Variants in PCDHA3 observed in about 807,000 individuals in gnomAD.
The protein encoded by PCDHA3 is protocadherin alpha-3.
In PCDHA3, 41 loss-of-function variants were observed where a neutral mutation model predicts 62.2. That is an observed-to-expected ratio of 0.66 (90% CI 0.51 to 0.86). The LOEUF is 0.86. PCDHA3 is among the 40% of genes least tolerant of loss of function. PCDHA3 has a pLI of 0.00. For missense variants in PCDHA3, 1,304 were observed against 1,241.2 expected (o/e 1.05, Z -0.76); for synonymous variants, 640 against 555.4 (o/e 1.15, Z -2.14).
intron 1 of PCDHA3, chr5:140,876,899 C>A (rs781884794): frequency 5.0e-6 from 8 of 1,613,974 alleles, no homozygotes; most frequent in Non-Finnish European, 6.8e-6. Context: ...CACATCTTCA[C>A]GGTGTCGGCA....
In PCDHA3 at chr5:140,850,586, C is replaced by T. The variant is rs10040059; in HGVS notation, c.2394+46995C>T. The stretch of plus-strand genomic sequence containing the variant: ...CCGAGGTGACGCTGGTGGATGTCAA[C>T]GTGTACCTGATCATCGCCATCTGCG... On this transcript the variant is annotated intron_variant, in intron 1 of 3. Transcript: ENST00000522353. 1,289 of 1,598,414 alleles carry T rather than the reference C, an allele frequency of 8.1e-4. 73 individuals carry two copies. In the African/African-American group the frequency reaches 0.014, roughly 17 times the overall value.
At chr5:140,815,033 A>G (rs1251467889) in intron 1 of PCDHA3, 1 of 152,108 alleles carries the variant, frequency 6.6e-6, no homozygotes, top group Non-Finnish European at 1.5e-5. Context: ...TACAATTTGC[A>G]TGAAATTTTT....
intron 1 of PCDHA3, chr5:140,883,972 C>G (rs781784485): frequency 3.1e-6 from 5 of 1,612,854 alleles, no homozygotes; most frequent in Non-Finnish European, 4.2e-6. Context: ...TGCTGACGCC[C>G]GGGGCTGGCA....
At chr5:140,946,893 A>T (rs1233227457) in intron 1 of PCDHA3, among the ~76,000 whole-genome samples, 1 of 151,482 alleles carries the variant, frequency 6.6e-6, no homozygotes, top group African/African-American at 2.4e-5. Context: ...TTACAATTAG[A>T]TAGGAAGAAT....
intron 1 of PCDHA3, chr5:140,807,048 T>C (rs1554123732): frequency 9.8e-7 from 1 of 1,025,000 alleles, no homozygotes; most frequent in Non-Finnish European, 1.4e-6. Flanking sequence ...AAATTCCTTC[T>C]ATTCTTACTG....
chr5:140,803,269 C>T lies in PCDHA3; in HGVS notation c.2072C>T (p.Ala691Val). The T allele has an allele frequency of 6.2e-7, 1 of 1,614,012 alleles. No individual in the cohort carries two copies. The highest frequency in any genetic ancestry group is 8.5e-7 in the Non-Finnish European group (1 of 1,179,966). The stretch of plus-strand genomic sequence containing the variant: ...TCCGCTGGCGCCACGGGCCCGGAAG[C>T]TGCACTGGTGGATGTCAACGTGTAC... ...QASAGATGPE[A>V]ALVDVNVYLI... is the part of the protein sequence containing the mutation. Residue 691 changes from alanine (A) to valine (V), a missense_variant, in exon 1 of 4, where the codon GCT becomes GTT. Transcript: ENST00000522353.
rs2150442306 is a variant in PCDHA3 at position 140,849,604 on chromosome 5, C to T, written c.2394+46013C>T. 16 of 1,598,568 alleles carry T rather than the reference C, an allele frequency of 1.0e-5. 2 individuals are homozygous for T. The highest frequency in any genetic ancestry group is 1.4e-5 in the Non-Finnish European group (16 of 1,167,944). On this transcript the variant is annotated intron_variant, in intron 1 of 3. Coordinates refer to ENST00000522353, the MANE Select transcript of PCDHA3 (RefSeq NM_018906.3). ...GACGCACAACTGGGGACAGTTATTG[C>T]CCTGATTAGTGTGATCGACCTAGAC... is the stretch of plus-strand genomic sequence containing the variant.
At chr5:140,863,571 TA>T in intron 1 of PCDHA3, 1 of 369,950 alleles carries the variant, frequency 2.7e-6, no homozygotes, top group South Asian at 2.1e-5. Context: ...AGAATATAAG[TA>T]CTGTAATCCT....
chr5:140,816,467 C>T (rs1765911805), intron 1 of PCDHA3: 1 of 151,890 alleles, frequency 6.6e-6, no homozygotes, highest in Admixed American at 6.6e-5. Context: ...AAGTAATTCA[C>T]ATAGCTCTAT....
intron 1 of PCDHA3, among the ~76,000 whole-genome samples, chr5:140,934,231 C>T (rs2089713851): frequency 6.6e-6 from 1 of 152,014 alleles, no homozygotes; most frequent in African/African-American, 2.4e-5. Context: ...AAGATTTGTA[C>T]TTAATTGTGG....
chr5:140,804,733 A>G (rs1763450932), intron 1 of PCDHA3: 2 of 197,406 alleles, frequency 1.0e-5, no homozygotes, highest in East Asian at 2.4e-4. Context: ...CACTACCCCT[A>G]CATATTTGGT....
chr5:140,967,756 C>T (rs1554229911), intron 1 of PCDHA3: 2 of 1,614,216 alleles, frequency 1.2e-6, no homozygotes, highest in Middle Eastern at 1.6e-4. Context: ...AAGCCTCCTC[C>T]TACCAGATCT....
intron 1 of PCDHA3, chr5:140,877,161 G>A: frequency 6.2e-7 from 1 of 1,613,828 alleles, no homozygotes; most frequent in South Asian, 1.1e-5. Context: ...ACAACGCGCC[G>A]GCACTGCTGG....
At chr5:140,879,329 T>A (rs2057946411) in intron 1 of PCDHA3, among the ~76,000 whole-genome samples, 1 of 152,182 alleles carries the variant, frequency 6.6e-6, no homozygotes, top group Non-Finnish European at 1.5e-5. Context: ...ACTTTTTTAG[T>A]TTGTTCAGCT....
chr5:140,848,504 C>T (rs1554142138), intron 1 of PCDHA3: 4 of 1,587,366 alleles, frequency 2.5e-6, no homozygotes, highest in African/African-American at 2.7e-5. Flanking sequence ...AAATGTTATA[C>T]TCAAGTCGAG....
intron 1 of PCDHA3, chr5:140,883,283 G>A (rs782514861): frequency 1.2e-6 from 2 of 1,614,034 alleles, no homozygotes; most frequent in Admixed American, 3.3e-5. Context: ...CCTTTTGGTG[G>A]AAGTACTAGA....
In PCDHA3 at chr5:140,802,587, G is replaced by C. The variant is rs781821131; in HGVS notation, c.1390G>C (p.Val464Leu). The C allele has an allele frequency of 6.2e-7, 1 of 1,614,126 alleles. No individual in the cohort carries two copies. The highest frequency in any genetic ancestry group is 1.1e-5 in the South Asian group (1 of 91,088). The change falls in exon 1 of 4, where the codon GTG (valine) becomes CTG (leucine). Residue 464 changes from valine to leucine, a missense_variant. Val to Leu is a conservative substitution (Grantham distance 32). Transcript: ENST00000522353. ...AFSQSEYTVF[V>L]KENNPPGCHI... ...CTCGCAGTCCGAGTACACGGTGTTC[G>C]TGAAGGAGAACAACCCGCCGGGCTG...
intron 1 of PCDHA3, chr5:140,821,822 T>C (rs1390477821): frequency 2.5e-6 from 4 of 1,614,106 alleles, no homozygotes; most frequent in Non-Finnish European, 3.4e-6. Context: ...CTCCTGCTGC[T>C]CTGGCTTCTC....
rs541015740 is a variant in PCDHA3 at position 140,862,949 on chromosome 5, C to T, written c.2394+59358C>T. 3 of 542,876 alleles carry T rather than the reference C, an allele frequency of 5.5e-6. No individual in the cohort carries two copies. In the Admixed American group the frequency reaches 5.9e-5, roughly 11 times the overall value. The allele number at this position is 542,876 out of a possible 1,614,324, so 33.6% of individuals were successfully genotyped here. A position where few individuals can be genotyped will look rare whatever the true frequency, so the allele number is the denominator to read the frequency against. On this transcript the variant is annotated intron_variant, in intron 1 of 3. Transcript: ENST00000522353. The stretch of plus-strand genomic sequence containing the variant: ...TGGCGGCGCTGTGAGTGAGCTGGTG[C>T]GGTATTCAGTGGATGCAGGCCACTT...
Sources: allele counts gnomAD v4.1 joint callset (sites outside exome capture counted in the v4.1 genomes callset), GRCh38; gene constraint gnomAD v4.1.1; transcripts MANE v1.5; gene names NCBI Gene and HGNC (gene_info 2026-07-23, HGNC 2026-07-21).